NUP93: variants seen among roughly 807,000 people sequenced by gnomAD.
The protein encoded by NUP93 is nuclear pore complex protein Nup93.
NUP93 carries 55 observed loss-of-function variants against 107.8 expected under a neutral mutation model. That is an observed-to-expected ratio of 0.51 (90% CI 0.41 to 0.64). The LOEUF (loss-of-function observed/expected upper bound fraction) is 0.64, where lower values mean the gene tolerates loss of function less well. NUP93 is among the 30% of genes least tolerant of loss of function. NUP93 has a pLI of 0.00. For synonymous variants in NUP93, 390 were observed against 397.5 expected (o/e 0.98, Z 0.22); for missense variants, 937 against 1,044.7 (o/e 0.90, Z 1.42).
intron 3 of NUP93, among the ~76,000 whole-genome samples, chr16:56,792,780 A>T (rs1396360281): frequency 6.6e-6 from 1 of 152,184 alleles, no homozygotes; most frequent in Non-Finnish European, 1.5e-5. Context: ...GATGAAAACA[A>T]ATTTAAGGAA....
chr16:56,791,953 A>C (rs1249727503), intron 3 of NUP93, among the ~76,000 whole-genome samples: 1 of 152,226 alleles, frequency 6.6e-6, no homozygotes, highest in Non-Finnish European at 1.5e-5. Context: ...AATTACATAT[A>C]TATAATTGAA....
intron 21 of NUP93, among the ~76,000 whole-genome samples, chr16:56,844,195 C>T (rs994887947): frequency 1.4e-4 from 21 of 152,204 alleles, no homozygotes; most frequent in African/African-American, 4.8e-4. Context: ...AGGGCTGTGT[C>T]AAAAGCTAGC....
At position 56,831,163 on chromosome 16, in the gene NUP93, C is replaced by A. The variant is rs554752234; in HGVS notation, c.1085+478C>A. Among the ~76,000 whole-genome samples the A allele has an allele frequency of 7.2e-5, 11 of 152,286 alleles. No homozygotes were observed. The East Asian group carries it at 1.5e-3, about 21-fold the overall frequency. On this transcript the variant is annotated intron_variant, in intron 10 of 21. Transcript: ENST00000308159. ...AATTGATTCATTAAGTCTTTAAGTTCTCTTGCATTAAGGAACTGCTAAGCA... is the reference window on the plus strand; with the variant it reads ...AATTGATTCATTAAGTCTTTAAGTTATCTTGCATTAAGGAACTGCTAAGCA...
chr16:56,832,889 G>T (rs6499853), intron 12 of NUP93, among the ~76,000 whole-genome samples: 35,433 of 152,140 alleles, frequency 0.23, 4,433 homozygotes, highest in Non-Finnish European at 0.27. Context: ...ACTTAACAGG[G>T]TAAAGGAGAT....
At chr16:56,738,966 C>T (rs896008306) in intron 1 of NUP93, among the ~76,000 whole-genome samples, 22 of 139,278 alleles carry the variant, frequency 1.6e-4, no homozygotes, top group African/African-American at 4.0e-4. Flanking sequence ...TTTTTTGCAC[C>T]GCCCTTAATC....
At chr16:56,835,369 C>T (rs1385795611) in intron 16 of NUP93, among the ~76,000 whole-genome samples, 3 of 152,170 alleles carry the variant, frequency 2.0e-5, no homozygotes, top group Non-Finnish European at 4.4e-5. Flanking sequence ...TGAGTTTTCT[C>T]GTTTGTAAAA....
intron 8 of NUP93, 51 bp downstream of exon 8, chr16:56,823,897 A>C (rs768352806): frequency 6.3e-7 from 1 of 1,594,062 alleles, no homozygotes; most frequent in Non-Finnish European, 8.6e-7. Context: ...TTTGCAGTCA[A>C]CTGTTTCTCA....
chr16:56,823,904 C>G, intron 8 of NUP93, 58 bp downstream of exon 8: 2 of 1,588,522 alleles, frequency 1.3e-6, no homozygotes, highest in Non-Finnish European at 8.6e-7. Flanking sequence ...TCAACTGTTT[C>G]TCAGATCTTA....
chr16:56,734,915 T>C (rs1460769402), intron 1 of NUP93, among the ~76,000 whole-genome samples: 1 of 152,162 alleles, frequency 6.6e-6, no homozygotes, highest in Non-Finnish European at 1.5e-5. Flanking sequence ...CACCCTACTG[T>C]CTGTGCCCAT....
chr16:56,829,075 A>T lies in NUP93; in HGVS notation c.893A>T (p.Asn298Ile), dbSNP rs773426367. The T allele has an allele frequency of 3.7e-6, 6 of 1,613,094 alleles. No homozygotes were observed. The highest frequency in any genetic ancestry group is 1.3e-5 in the African/African-American group (1 of 74,920). Residue 298 changes from asparagine (N) to isoleucine (I), a missense_variant, in exon 9 of 22, where the codon AAC becomes ATC. By Grantham distance (149) the Asn-to-Ile change is moderately radical. Coordinates refer to ENST00000308159, the MANE Select transcript of NUP93 (RefSeq NM_014669.5). ...GTYQLVRSFLNIKLPAPLPGL... is the reference protein window; with the variant it reads ...GTYQLVRSFLIIKLPAPLPGL... ...TACCAATTGGTTCGAAGTTTCCTGA[A>T]CATTAAACTGCCAGCTCCCTTGCCT...
At chr16:56,836,786 C>A in intron 17 of NUP93, 69 bp downstream of exon 17, 2 of 975,356 alleles carry the variant, frequency 2.1e-6, no homozygotes, top group South Asian at 1.4e-5. Context: ...AAATGTGCAG[C>A]CACTTGGACA....
chr16:56,736,166 C>T lies in NUP93; in HGVS notation c.-15+5955C>T, dbSNP rs560976538. 2.9e-4 allele frequency among the ~76,000 whole-genome samples: 44 copies of T among 152,276 alleles called. No homozygotes were observed. In the East Asian group the frequency reaches 7.1e-3, roughly 25 times the overall value. On this transcript the variant is annotated intron_variant, in intron 1 of 21. Coordinates refer to ENST00000308159, the MANE Select transcript of NUP93 (RefSeq NM_014669.5). The stretch of plus-strand genomic sequence containing the variant: ...CCAACATGGTGAAACACCATCTCTA[C>T]TAAAAATACAAAAATTACCCTGGCG...
intron 3 of NUP93, among the ~76,000 whole-genome samples, chr16:56,775,931 A>C (rs1055396285): frequency 1.3e-5 from 2 of 152,190 alleles, no homozygotes; most frequent in Non-Finnish European, 2.9e-5. Flanking sequence ...CCCACAGGTC[A>C]TCACCATAGT....
At chr16:56,842,133 TAA>T (rs551559187) in intron 21 of NUP93, among the ~76,000 whole-genome samples, 328 of 152,384 alleles carry the variant, frequency 2.2e-3, no homozygotes, top group African/African-American at 7.7e-3. Flanking sequence ...TTTTAAAAGA[TAA>T]GTTTATTTTG....
chr16:56,744,427 GATTAATATATCAAAGTATAGATTTA>G (rs1228845721), intron 1 of NUP93, among the ~76,000 whole-genome samples: 8 of 152,138 alleles, frequency 5.3e-5, no homozygotes, highest in Non-Finnish European at 1.2e-4. Context: ...GCAGTGGGAT[GATTAATATATCAAAGTATAGATTTA>G]ATTGCACAAT....
At chr16:56,765,367 G>A (rs1284048242) in intron 3 of NUP93, among the ~76,000 whole-genome samples, 1 of 152,166 alleles carries the variant, frequency 6.6e-6, no homozygotes, top group Non-Finnish European at 1.5e-5. Context: ...AGTTTTTAGA[G>A]GGATTTAATG....
At chr16:56,841,966 T>C (rs1435386515) in intron 21 of NUP93, 133 bp downstream of exon 21, 2 of 1,055,974 alleles carry the variant, frequency 1.9e-6, no homozygotes, top group Non-Finnish European at 2.7e-6. Flanking sequence ...ATAAATCTCG[T>C]GTTAGGAGGC....
chr16:56,816,573 CTGAAAAGCCA>C (rs1349356605), intron 5 of NUP93, among the ~76,000 whole-genome samples: 2 of 152,140 alleles, frequency 1.3e-5, no homozygotes, highest in Non-Finnish European at 2.9e-5. Context: ...GGGGAGAGAG[CTGAAAAGCCA>C]TGACAGGCCC....
At chr16:56,749,882 C>T (rs1486378169) in intron 2 of NUP93, among the ~76,000 whole-genome samples, 1 of 152,200 alleles carries the variant, frequency 6.6e-6, no homozygotes, top group Non-Finnish European at 1.5e-5. Flanking sequence ...AACTGCTTCC[C>T]TACACTGCTT....
Sources: gnomAD v4.1 joint callset for allele counts (sites outside exome capture counted in the v4.1 genomes callset) on GRCh38, gnomAD v4.1.1 for gene constraint, MANE v1.5 for transcripts, NCBI Gene and HGNC (gene_info 2026-07-23, HGNC 2026-07-21) for gene names.